The following FBN2 variants were observed in gnomAD, a reference collection of about 807,000 sequenced individuals.
The protein encoded by FBN2 is fibrillin-2.
In FBN2, 105 loss-of-function variants were observed where a neutral mutation model predicts 355.6. The ratio of observed to expected loss-of-function variants is 0.30; its 90% CI spans 0.25 to 0.35. FBN2 has a LOEUF of 0.35. FBN2 is among the 10% of genes least tolerant of loss of function. FBN2 has a pLI of 1.00. For synonymous variants in FBN2, 1,350 were observed against 1,301.2 expected, an observed-to-expected ratio of 1.04 and a Z score of -0.81; for missense variants, 3,280 against 3,758.7, an observed-to-expected ratio of 0.87 and a Z score of 3.33.
chr5:128,536,442 A>G lies in FBN2; in HGVS notation c.297T>C (p.Pro99=), dbSNP rs79375977. 718 of 1,614,122 alleles carry G rather than the reference A, an allele frequency of 4.4e-4. 4 individuals carry two copies. In the East Asian group the frequency reaches 0.012, roughly 28 times the overall value. The change falls in exon 2 of 65, where the codon CCT becomes CCC. Residue 99 remains proline (P), a synonymous_variant. Transcript: ENST00000262464. ...CGSRFHSYCC[P]GWKTLPGGNQ... is the part of the protein sequence containing the mutation. ...TTCCTCCAGGGAGCGTCTTCCATCC[A>G]GGGCAGCAGTAGGAGTGGAATCTGG...
chr5:128,261,895 T>C lies in FBN2; in HGVS notation c.8205A>G (p.Ser2735=), dbSNP rs1390941714. 5 of 1,614,032 alleles carry C rather than the reference T, an allele frequency of 3.1e-6. No individual in the cohort carries two copies. In the South Asian group the frequency reaches 4.4e-5, roughly 14 times the overall value. The part of the protein sequence containing the change: ...YYRVGQGHCV[S]GMGFNKGQYL... ...ACTGCCCCTTGTTAAATCCCATTCC[T>C]GAGACACAGTGGCTATTTGCAAAAA... Residue 2735 remains serine (S), a synonymous_variant, in exon 64 of 65, where the codon TCA becomes TCG. Transcript: ENST00000262464.
chr5:128,466,340 C>T (rs915562395), intron 5 of FBN2, among the ~76,000 whole-genome samples: 2 of 152,150 alleles, frequency 1.3e-5, no homozygotes, highest in East Asian at 1.9e-4. Flanking sequence ...TGATATTATT[C>T]TACTCCAAGG....
intron 7 of FBN2, among the ~76,000 whole-genome samples, chr5:128,433,745 T>C (rs1195773173): frequency 1.3e-5 from 2 of 152,198 alleles, no homozygotes; most frequent in Non-Finnish European, 2.9e-5. Flanking sequence ...GGCACAAACC[T>C]GCAACCCAAC....
At chr5:128,474,433 G>A (rs1232286692) in intron 5 of FBN2, among the ~76,000 whole-genome samples, 1 of 152,136 alleles carries the variant, frequency 6.6e-6, no homozygotes, top group African/African-American at 2.4e-5. Context: ...ATATATTTCA[G>A]GGAAAAGTGA....
chr5:128,492,216 C>T (rs1755526013), intron 5 of FBN2, among the ~76,000 whole-genome samples: 2 of 152,156 alleles, frequency 1.3e-5, no homozygotes, highest in South Asian at 4.1e-4. Flanking sequence ...ACTCTTCTTG[C>T]TCTTCCTTGA....
chr5:128,315,500 A>G (rs1355704109), intron 36 of FBN2, among the ~76,000 whole-genome samples: 1 of 152,234 alleles, frequency 6.6e-6, no homozygotes, highest in Non-Finnish European at 1.5e-5. Context: ...GTTTGAAAAC[A>G]TTAACAGTTC....
At chr5:128,301,593 T>A in intron 46 of FBN2, 83 bp from the exon 47 acceptor site, 1 of 1,321,950 alleles carries the variant, frequency 7.6e-7, no homozygotes. Context: ...AAAACATACT[T>A]ATTGGCATGC....
At chr5:128,482,189 C>A (rs906817084) in intron 5 of FBN2, among the ~76,000 whole-genome samples, 4 of 151,744 alleles carry the variant, frequency 2.6e-5, no homozygotes, top group African/African-American at 9.7e-5. Flanking sequence ...TGGATATTAC[C>A]GGTTCTGTTC....
intron 7 of FBN2, among the ~76,000 whole-genome samples, chr5:128,438,775 A>G (rs1313225362): frequency 6.6e-6 from 1 of 152,078 alleles, no homozygotes; most frequent in Admixed American, 6.5e-5. Context: ...CCCACCCCCA[A>G]CCTTACTCTC....
chr5:128,260,190 AT>A (rs1414334034), intron 64 of FBN2, among the ~76,000 whole-genome samples: 2 of 152,094 alleles, frequency 1.3e-5, no homozygotes, highest in African/African-American at 4.8e-5. Context: ...AATTTAGGTA[AT>A]GATTTTTTTT....
intron 51 of FBN2, 34 bp downstream of exon 51, chr5:128,289,848 T>C (rs1446939550): frequency 8.0e-6 from 10 of 1,255,692 alleles, no homozygotes; most frequent in Non-Finnish European, 1.2e-5. Flanking sequence ...GTGTATTAAA[T>C]AAGAATATAG....
At chr5:128,530,927 C>A (rs1182690582) in intron 2 of FBN2, among the ~76,000 whole-genome samples, 1 of 152,044 alleles carries the variant, frequency 6.6e-6, no homozygotes, top group East Asian at 1.9e-4. Context: ...ATTGCATAAT[C>A]CTTTAAGGAA....
intron 32 of FBN2, among the ~76,000 whole-genome samples, chr5:128,331,614 T>C (rs970927026): frequency 6.6e-6 from 1 of 152,102 alleles, no homozygotes; most frequent in Non-Finnish European, 1.5e-5. Flanking sequence ...GGAGAATGGA[T>C]TGCAGGAGGG....
In FBN2 at chr5:128,415,682, C is replaced by T. The variant is rs571599977; in HGVS notation, c.953-6883G>A. On this transcript the variant is annotated intron_variant, in intron 7 of 64. Transcript: ENST00000262464. ...CTATAAACATGAGGGTGCAGGTGTC[C>T]CTCTGATATAATAATTTCCTTTGAA... Among the ~76,000 whole-genome samples, 6 of 152,050 alleles carry T rather than the reference C, an allele frequency of 3.9e-5. 1 individual carries two copies. The highest frequency in any genetic ancestry group is 1.4e-4 in the African/African-American group (6 of 41,472).
chr5:128,514,766 A>G (rs1756234605), intron 5 of FBN2, among the ~76,000 whole-genome samples: 1 of 152,234 alleles, frequency 6.6e-6, no homozygotes, highest in Non-Finnish European at 1.5e-5. Flanking sequence ...TCCTAAGTGT[A>G]GGAATTATGA....
intron 7 of FBN2, among the ~76,000 whole-genome samples, chr5:128,412,693 G>A (rs1038171465): frequency 2.0e-5 from 3 of 152,222 alleles, no homozygotes; most frequent in South Asian, 2.1e-4. Context: ...AGCTTAGCTA[G>A]TTAGGCATAT....
intron 1 of FBN2, among the ~76,000 whole-genome samples, 185 bp from the exon 2 acceptor site, chr5:128,536,669 G>A (rs1337495020): frequency 6.6e-6 from 1 of 152,174 alleles, no homozygotes; most frequent in African/African-American, 2.4e-5. Flanking sequence ...CTGGAATGCA[G>A]GAGGGTCAGA....
chr5:128,389,956 G>A (rs1453391074), intron 11 of FBN2, among the ~76,000 whole-genome samples: 1 of 151,984 alleles, frequency 6.6e-6, no homozygotes, highest in Non-Finnish European at 1.5e-5. Context: ...CTTTCAGTAG[G>A]AAATGCTCTT....
rs771114284 is a variant in FBN2, at chr5:128,464,689, C to G, written c.826+35G>C. The G allele has an allele frequency of 3.7e-6, 6 of 1,605,334 alleles. No individual in the cohort carries two copies. In the South Asian group the frequency reaches 6.6e-5, roughly 18 times the overall value. On this transcript the variant is annotated intron_variant, in intron 6 of 64. Transcript: ENST00000262464. ...TCCAACAAAAAGAGAAGTGGCAGGTCTGCGATGGTGTGCACAGGCAGACAG... is the reference window on the plus strand; with the variant it reads ...TCCAACAAAAAGAGAAGTGGCAGGTGTGCGATGGTGTGCACAGGCAGACAG...
Sources: allele counts gnomAD v4.1 joint callset (sites outside exome capture counted in the v4.1 genomes callset), GRCh38; gene constraint gnomAD v4.1.1; transcripts MANE v1.5; gene names NCBI Gene and HGNC (gene_info 2026-07-23, HGNC 2026-07-21).